The following PHYKPL variants were observed in gnomAD, a reference collection of about 807,000 sequenced individuals.
The protein encoded by PHYKPL is 5-phosphonooxy-L-lysine phospho-lyase.
PHYKPL carries 42 observed loss-of-function variants against 51.3 expected under a neutral mutation model. The observed-to-expected ratio is 0.82, with a 90% CI of 0.64 to 1.06. The LOEUF is 1.06. Ranked by LOEUF, PHYKPL falls within the 50% of genes least tolerant of loss-of-function variation. The pLI, the probability that PHYKPL is intolerant of heterozygous loss-of-function variation, is 0.00. For synonymous variants in PHYKPL, 264 were observed against 236.0 expected (o/e 1.12, Z -1.09); for missense variants, 655 against 586.6 (o/e 1.12, Z -1.20).
rs551868980 is a variant in PHYKPL, at chr5:178,211,825, T to G, written c.*31+65A>C. 1.9e-5 allele frequency: 22 copies of G among 1,181,218 alleles called. No individual in the cohort carries two copies. The African/African-American group carries it at 2.4e-4, about 13-fold the overall frequency. The allele number at this position is 1,181,218 out of a possible 1,614,324, so 73.2% of individuals were successfully genotyped here. ...AAAAAAAGGCTCAGCTTGCCGAGGC[T>G]GCTTGCTGCTGATGGTAAGGAACCC... On this transcript the variant is annotated intron_variant, in intron 12 of 12. Transcript: ENST00000308158.
At chr5:178,223,447 T>C (rs1409913302) in intron 6 of PHYKPL, 6 of 456,230 alleles carry the variant, frequency 1.3e-5, no homozygotes, top group African/African-American at 4.0e-5. Context: ...GAACTGAGCA[T>C]GTCACTGTTG....
In PHYKPL at chr5:178,225,444, G is replaced by A; in HGVS notation, c.339-15C>T. The A allele has an allele frequency of 6.2e-7, 1 of 1,614,136 alleles. No individual in the cohort carries two copies. The highest frequency in any genetic ancestry group is 8.5e-7 in the Non-Finnish European group (1 of 1,179,996). On this transcript the variant is annotated splice_polypyrimidine_tract_variant and intron_variant, in intron 3 of 12. Coordinates refer to ENST00000308158, the MANE Select transcript of PHYKPL (RefSeq NM_153373.4). ...TGGCTTCTGACCTATGACCGAAAAG[G>A]TGGGCATGACTGAGAGAGTAGTCTA...
chr5:178,216,476 G>A (rs1483717234), intron 8 of PHYKPL: 2 of 152,182 alleles, frequency 1.3e-5, no homozygotes, highest in Non-Finnish European at 2.9e-5. Context: ...AGAGACTATA[G>A]TGGCCACACA....
chr5:178,222,993 G>A (rs1761505227), intron 6 of PHYKPL, 59 bp from the exon 7 acceptor site: 33 of 1,549,538 alleles, frequency 2.1e-5, no homozygotes, highest in Middle Eastern at 1.7e-4. Context: ...CCGGCTTAGC[G>A]TGCCCTGCTA....
intron 8 of PHYKPL, 191 bp from the exon 9 acceptor site, chr5:178,215,621 G>GAC: frequency 1.6e-6 from 1 of 616,566 alleles, no homozygotes; most frequent in Non-Finnish European, 2.7e-6. Flanking sequence ...GGCTTTCCAG[G>GAC]AGCTAATGTG....
chr5:178,230,279 G>C (rs904568693), intron 2 of PHYKPL, 180 bp from the exon 3 acceptor site: 4 of 684,522 alleles, frequency 5.8e-6, no homozygotes, highest in Non-Finnish European at 7.2e-6. Context: ...GGCAGATCCA[G>C]GAGTTCCTGA....
chr5:178,224,691 C>G lies in PHYKPL; in HGVS notation c.452G>C (p.Ser151Thr). 1 of 1,614,198 alleles carries G rather than the reference C, an allele frequency of 6.2e-7. No homozygotes were observed. Among genetic ancestry groups the G allele is most frequent in the East Asian group, 2.2e-5 (1 of 44,880 alleles). Residue 151 changes from serine (S) to threonine (T), a missense_variant, in exon 5 of 13, where the codon AGT (serine) becomes ACT (threonine). Coordinates refer to ENST00000308158, the MANE Select transcript of PHYKPL (RefSeq NM_153373.4). ...HGHLSSLIDI[S>T]PYKFRNLDGQ... ...ATCCAGGTTGCGGAACTTGTAGGGA[C>G]TGATGTCAATCAGGGAGCTCAGGTG...
intron 12 of PHYKPL, chr5:178,210,898 C>T (rs779714978): frequency 7.9e-6 from 4 of 505,792 alleles, no homozygotes; most frequent in Non-Finnish European, 1.4e-5. Flanking sequence ...CTGCTTCCTG[C>T]TGCCGCTCTG....
At chr5:178,207,365 T>C, downstream of PHYKPL, 3 of 958,246 alleles carry the variant, frequency 3.1e-6, no homozygotes, top group East Asian at 2.5e-5. Flanking sequence ...TATGCTGCCC[T>C]GATTGGGGCA....
intron 4 of PHYKPL, chr5:178,225,060 C>T: frequency 1.8e-6 from 1 of 564,670 alleles, no homozygotes; most frequent in Non-Finnish European, 3.2e-6. Flanking sequence ...ACATCACATA[C>T]TCAATTCATG....
At chr5:178,210,091 C>G in intron 12 of PHYKPL, 1 of 1,607,896 alleles carries the variant, frequency 6.2e-7, no homozygotes, top group South Asian at 1.1e-5. Context: ...CCTGCGTATG[C>G]TAAATGGTCC....
At chr5:178,230,339 G>T in intron 2 of PHYKPL, 2 of 506,740 alleles carry the variant, frequency 3.9e-6, no homozygotes, top group Non-Finnish European at 7.1e-6. Context: ...TGTCTAGAAA[G>T]CCCATGTCTT....
At chr5:178,208,953 A>G (rs943276833) in intron 12 of PHYKPL, 38 bp from the exon 13 acceptor site, 1 of 189,052 alleles carries the variant, frequency 5.3e-6, no homozygotes, top group Non-Finnish European at 1.1e-5. Flanking sequence ...TCATTGTCTA[A>G]GGCCCCTCAT....
intron 3 of PHYKPL, among the ~76,000 whole-genome samples, chr5:178,227,802 G>A (rs1478010197): frequency 1.3e-5 from 2 of 152,194 alleles, no homozygotes; most frequent in Admixed American, 1.3e-4. Flanking sequence ...AGAAGACCAA[G>A]GAGGAGGACG....
chr5:178,230,224 G>A (rs1763108769), intron 2 of PHYKPL, 125 bp from the exon 3 acceptor site: 6 of 1,251,366 alleles, frequency 4.8e-6, no homozygotes, highest in East Asian at 2.4e-5. Context: ...GTAGAAAGAG[G>A]GCAGTCTGAA....
chr5:178,227,224 T>C (rs1762478547), intron 3 of PHYKPL, among the ~76,000 whole-genome samples: 1 of 152,174 alleles, frequency 6.6e-6, no homozygotes, highest in Non-Finnish European at 1.5e-5. Context: ...AGAGAAAATC[T>C]GGACACACAA....
rs1057116468 is a variant in PHYKPL at position 178,232,540 on chromosome 5, T to C, written c.11A>G (p.Asp4Gly). The change falls in exon 1 of 13, where the codon GAC becomes GGC. Residue 4 changes from aspartate to glycine, a missense_variant. Asp to Gly is a moderately conservative substitution (Grantham distance 94, BLOSUM62 -1). Transcript: ENST00000308158. ...CAGCGTGTCGGCCTTCGGGCGCTGG[T>C]CTGCGGCCATGGTGGGTGGCCGTCA... MAA[D>G]QRPKADTLAL... The C allele has an allele frequency of 1.4e-5, 16 of 1,164,864 alleles. No individual in the cohort carries two copies. The highest frequency in any genetic ancestry group is 3.4e-4 in the Middle Eastern group (1 of 2,916). 72.2% of individuals were successfully genotyped at this position (1,164,864 alleles called of 1,614,324 possible). A position where few individuals can be genotyped will look rare whatever the true frequency, so the allele number is the denominator to read the frequency against.
Position 178,211,951 on chromosome 5 carries a change from T to A in PHYKPL, c.1323A>T (p.Arg441Ser), listed in dbSNP as rs1581209944. The stretch of plus-strand genomic sequence containing the variant: ...GCTGGAGCCTCAGCGTTTCACAACT[T>A]CTCACCTTCTCTTCCATGTCTGAAA... Reference protein sequence around the residue: ...AILTDMEEKVRSCETLRLQP With the variant: ...AILTDMEEKVSSCETLRLQP Residue 441 changes from arginine to serine, a missense_variant, in exon 12 of 13, where the codon AGA becomes AGT. Transcript: ENST00000308158. 1 of 1,614,172 alleles carries A rather than the reference T, an allele frequency of 6.2e-7. No homozygotes were observed. The highest frequency in any genetic ancestry group is 8.5e-7 in the Non-Finnish European group (1 of 1,180,028).
chr5:178,231,991 G>C (rs1316099846), intron 1 of PHYKPL: 3 of 1,207,878 alleles, frequency 2.5e-6, no homozygotes, highest in Non-Finnish European at 3.2e-6. Context: ...AGTGGGAGGC[G>C]ACCTCACCCA....
Sources: allele counts gnomAD v4.1 joint callset (sites outside exome capture counted in the v4.1 genomes callset), GRCh38; gene constraint gnomAD v4.1.1; transcripts MANE v1.5; gene names NCBI Gene and HGNC (gene_info 2026-07-23, HGNC 2026-07-21).